PDZD8: variants seen among roughly 807,000 people sequenced by gnomAD.
The protein encoded by PDZD8 is PDZ domain containing 8, also known as PDZ domain-containing protein 8.
PDZD8 carries 14 observed loss-of-function variants against 85.8 expected under a neutral mutation model. That is an observed-to-expected ratio of 0.16 (90% CI 0.11 to 0.26). The LOEUF is 0.26. Ranked by LOEUF, PDZD8 falls within the 10% of genes least tolerant of loss-of-function variation. The pLI is 1.00. For synonymous variants in PDZD8, 592 were observed against 568.6 expected, an observed-to-expected ratio of 1.04 and a Z score of -0.59; for missense variants, 1,197 against 1,424.3, an observed-to-expected ratio of 0.84 and a Z score of 2.57.
intron 2 of PDZD8, among the ~76,000 whole-genome samples, chr10:117,332,402 T>C (rs924057221): frequency 1.3e-5 from 2 of 151,790 alleles, no homozygotes; most frequent in Non-Finnish European, 2.9e-5. Context: ...ATTTTAAAAA[T>C]AATGCCCTGC....
intron 3 of PDZD8, among the ~76,000 whole-genome samples, chr10:117,297,746 T>C (rs1226218646): frequency 6.6e-6 from 1 of 152,122 alleles, no homozygotes; most frequent in Non-Finnish European, 1.5e-5. Flanking sequence ...ACATCTGTAA[T>C]GGATGAGGTG....
chr10:117,302,386 G>A (rs908888983), intron 3 of PDZD8, among the ~76,000 whole-genome samples: 1 of 152,184 alleles, frequency 6.6e-6, no homozygotes, highest in Non-Finnish European at 1.5e-5. Context: ...CTTTTTCAAA[G>A]TAAGTATAAC....
chr10:117,373,524 G>A (rs1279014073), intron 1 of PDZD8, among the ~76,000 whole-genome samples: 1 of 150,040 alleles, frequency 6.7e-6, no homozygotes, highest in Non-Finnish European at 1.5e-5. Flanking sequence ...TTGGGAGGCC[G>A]AGGCAGGCGG....
intron 2 of PDZD8, 107 bp downstream of exon 2, chr10:117,340,873 A>T: frequency 8.2e-7 from 1 of 1,214,848 alleles, no homozygotes; most frequent in Non-Finnish European, 1.1e-6. Context: ...AAGAATTTAC[A>T]GGTAAATAAT....
chr10:117,300,860 G>C (rs566575734), intron 3 of PDZD8, among the ~76,000 whole-genome samples: 1 of 152,324 alleles, frequency 6.6e-6, no homozygotes, highest in South Asian at 2.1e-4. Flanking sequence ...CAGTGAATCT[G>C]CTGGTGCCCT....
chr10:117,284,621 T>C lies in PDZD8; in HGVS notation c.2112A>G (p.Ile704Met). The change falls in exon 5 of 5, where the codon ATA (isoleucine) becomes ATG (methionine). Residue 704 changes from isoleucine to methionine, a missense_variant. Ile to Met is a conservative substitution (Grantham distance 10). Coordinates refer to ENST00000334464, the MANE Select transcript of PDZD8 (RefSeq NM_173791.5). ...TRTRASCLFD[I>M]EACHRYLNIA... ...TGTTTAAGTACCTGTGACAGGCTTC[T>C]ATGTCAAACAAACAGGATGCTCTGG... is the stretch of plus-strand genomic sequence containing the variant. The C allele has an allele frequency of 6.2e-7, 1 of 1,614,240 alleles. No homozygotes were observed. The highest frequency in any genetic ancestry group is 1.3e-5 in the African/African-American group (1 of 75,064).
chr10:117,341,430 G>A (rs1310105052), intron 1 of PDZD8, among the ~76,000 whole-genome samples: 1 of 152,080 alleles, frequency 6.6e-6, no homozygotes, highest in African/African-American at 2.4e-5. Context: ...GTGTTCCTAC[G>A]GTACAAGATC....
intron 2 of PDZD8, among the ~76,000 whole-genome samples, chr10:117,340,730 C>A (rs1346654225): frequency 6.6e-6 from 1 of 152,160 alleles, no homozygotes; most frequent in African/African-American, 2.4e-5. Context: ...GCCAACAGAG[C>A]ACTATGCATC....
At chr10:117,348,275 T>C (rs540083635) in intron 1 of PDZD8, among the ~76,000 whole-genome samples, 12 of 152,244 alleles carry the variant, frequency 7.9e-5, no homozygotes, top group Non-Finnish European at 1.8e-4. Context: ...TCCCTTTTAA[T>C]GCTTATGAAA....
At chr10:117,297,810 T>G (rs911947571) in intron 3 of PDZD8, among the ~76,000 whole-genome samples, 1 of 152,160 alleles carries the variant, frequency 6.6e-6, no homozygotes, top group Admixed American at 6.5e-5. Flanking sequence ...TGTATACAAT[T>G]ACCAAAATTC....
intron 3 of PDZD8, among the ~76,000 whole-genome samples, chr10:117,301,064 C>T (rs1647323965): frequency 6.6e-6 from 1 of 152,166 alleles, no homozygotes; most frequent in Admixed American, 6.6e-5. Context: ...TCTTGGCTCA[C>T]TGCAACCTCT....
chr10:117,340,065 T>A (rs989137338), intron 2 of PDZD8, among the ~76,000 whole-genome samples: 1 of 152,136 alleles, frequency 6.6e-6, no homozygotes, highest in Non-Finnish European at 1.5e-5. Context: ...AAGCAAGATA[T>A]GAATATAGCT....
At chr10:117,289,430 A>G (rs1448158912) in intron 4 of PDZD8, among the ~76,000 whole-genome samples, 1 of 152,210 alleles carries the variant, frequency 6.6e-6, no homozygotes, top group East Asian at 1.9e-4. Flanking sequence ...GTGACCAACC[A>G]TATGTTCAAG....
At chr10:117,330,119 G>A (rs1039947223) in intron 2 of PDZD8, among the ~76,000 whole-genome samples, 1 of 151,370 alleles carries the variant, frequency 6.6e-6, no homozygotes, top group African/African-American at 2.4e-5. Context: ...GCACTTGAAG[G>A]GGGTCAAATA....
At chr10:117,290,442 C>A in intron 3 of PDZD8, 94 bp from the exon 4 acceptor site, 1 of 901,360 alleles carries the variant, frequency 1.1e-6, no homozygotes, top group Middle Eastern at 3.5e-4. Flanking sequence ...CAGAGAGCAC[C>A]ATGGCTGATG....
At chr10:117,352,419 C>G (rs1431346284) in intron 1 of PDZD8, among the ~76,000 whole-genome samples, 1 of 152,080 alleles carries the variant, frequency 6.6e-6, no homozygotes, top group Non-Finnish European at 1.5e-5. Flanking sequence ...AAGCCTCTAT[C>G]TCTAGAAATA....
intron 2 of PDZD8, among the ~76,000 whole-genome samples, chr10:117,337,346 G>T (rs1844533736): frequency 6.6e-6 from 1 of 151,966 alleles, no homozygotes; most frequent in Non-Finnish European, 1.5e-5. Flanking sequence ...TCACCTACTA[G>T]CAGTACGACA....
chr10:117,353,862 A>G (rs7919034), intron 1 of PDZD8, among the ~76,000 whole-genome samples: 1 of 152,126 alleles, frequency 6.6e-6, no homozygotes, highest in Non-Finnish European at 1.5e-5. Context: ...TACTAAAACA[A>G]TGTGGTTTCT....
Position 117,375,315 on chromosome 10 carries a change from G to A in PDZD8, c.-88C>T, listed in dbSNP as rs1449773509. ...CCGCCCCCGCTGCCTCCATTTTGAG[G>A]ACATCGGGCGGCTGGGTCGGGGCGA... On this transcript the variant is annotated 5_prime_UTR_variant, in exon 1 of 5. Coordinates refer to ENST00000334464, the MANE Select transcript of PDZD8 (RefSeq NM_173791.5). 3 of 1,260,404 alleles carry A rather than the reference G, an allele frequency of 2.4e-6. No individual in the cohort carries two copies. The highest frequency in any genetic ancestry group is 2.1e-6 in the Non-Finnish European group (2 of 958,432). 78.1% of individuals were successfully genotyped at this position (1,260,404 alleles called of 1,614,324 possible).
Sources: allele counts gnomAD v4.1 joint callset (sites outside exome capture counted in the v4.1 genomes callset), GRCh38; gene constraint gnomAD v4.1.1; transcripts MANE v1.5; gene names NCBI Gene and HGNC (gene_info 2026-07-23, HGNC 2026-07-21).